Variants in SLCO1A2 observed in about 807,000 individuals in gnomAD.
The protein encoded by SLCO1A2 is OATP-1.
In SLCO1A2, 67 loss-of-function variants were observed where a neutral mutation model predicts 69.0. That is an observed-to-expected ratio of 0.97 (90% CI 0.80 to 1.19). SLCO1A2 has a LOEUF of 1.19. SLCO1A2 is among the 50% of genes most tolerant of loss of function. The pLI is 0.00. For missense variants in SLCO1A2, 787 were observed against 793.7 expected, an observed-to-expected ratio of 0.99 and a Z score of 0.10; for synonymous variants, 260 against 265.9, an observed-to-expected ratio of 0.98 and a Z score of 0.22.
Position 21,268,015 on chromosome 12 carries a change from C to T in SLCO1A2, c.*1533G>A, listed in dbSNP as rs891017139. The T allele has an allele frequency of 1.3e-5, 2 of 152,122 alleles. No individual in the cohort carries two copies. Among genetic ancestry groups the T allele is most frequent in the African/African-American group, 4.8e-5 (2 of 41,432 alleles). 9.4% of individuals were successfully genotyped at this position (152,122 alleles called of 1,614,324 possible). A position where few individuals can be genotyped will look rare whatever the true frequency, so the allele number is the denominator to read the frequency against. ...TGCCCAGAGTTGAAGTCTCAAACTT[C>T]ATGAAACTGAAACTTAACTTTTCAT... On this transcript the variant is annotated 3_prime_UTR_variant, in exon 15 of 15. Transcript: ENST00000683939.
At chr12:21,408,436 A>C (rs1450723967) in intron 1 of SLCO1A2, among the ~76,000 whole-genome samples, 1 of 151,522 alleles carries the variant, frequency 6.6e-6, no homozygotes, top group Non-Finnish European at 1.5e-5. Context: ...CCCTCACTCT[A>C]CTCCCAATAT....
At chr12:21,308,664 C>A (rs1466290277) in intron 4 of SLCO1A2, among the ~76,000 whole-genome samples, 4 of 152,150 alleles carry the variant, frequency 2.6e-5, no homozygotes, top group Admixed American at 1.3e-4. Context: ...TTCCAACTTC[C>A]ATTTGGCTGG....
chr12:21,323,971 G>A (rs1043104261), intron 2 of SLCO1A2, among the ~76,000 whole-genome samples: 4 of 152,138 alleles, frequency 2.6e-5, no homozygotes, highest in Admixed American at 6.6e-5. Context: ...AAAACAGATC[G>A]GGCTCAGTGG....
chr12:21,327,119 G>A (rs2136918157), intron 2 of SLCO1A2, among the ~76,000 whole-genome samples: 1 of 152,272 alleles, frequency 6.6e-6, no homozygotes, highest in African/African-American at 2.4e-5. Context: ...GGACCCAGAA[G>A]GAGCCAATGT....
In SLCO1A2 at chr12:21,360,563, G is replaced by C. The variant is rs192144278; in HGVS notation, c.-63+13836C>G. On this transcript the variant is annotated intron_variant, in intron 2 of 15. Coordinates refer to the SLCO1A2 transcript ENST00000307378. ...TCACTGGGGCTTGCCAGACAAGTGGGTGCAGCCCACAGAGCTGGGCAGGGC... is the reference window on the plus strand; with the variant it reads ...TCACTGGGGCTTGCCAGACAAGTGGCTGCAGCCCACAGAGCTGGGCAGGGC... 3.9e-5 allele frequency among the ~76,000 whole-genome samples: 6 copies of C among 152,318 alleles called. No individual in the cohort carries two copies. In the East Asian group the frequency reaches 1.2e-3, roughly 29 times the overall value.
At chr12:21,338,036 G>C (rs567900198), upstream of SLCO1A2, among the ~76,000 whole-genome samples, 2 of 152,084 alleles carry the variant, frequency 1.3e-5, no homozygotes, top group South Asian at 4.1e-4. Flanking sequence ...ACTAACTCTA[G>C]ATAATAGACC....
chr12:21,332,461 G>C (rs1952675700), intron 2 of SLCO1A2, among the ~76,000 whole-genome samples: 1 of 152,106 alleles, frequency 6.6e-6, no homozygotes. Flanking sequence ...CTTAAGGTCT[G>C]TGTTGATGTT....
At chr12:21,276,355 A>G (rs1007916880) in intron 12 of SLCO1A2, among the ~76,000 whole-genome samples, 36 of 151,720 alleles carry the variant, frequency 2.4e-4, no homozygotes, top group African/African-American at 8.5e-4. Flanking sequence ...ACCTATCTCT[A>G]CTTATGCGTA....
In SLCO1A2 at chr12:21,299,423, G is replaced by A. The variant is rs115865982; in HGVS notation, c.910+925C>T. ...CTTTCATTTGCTGGAAAACCACTATGTGGCTCAATATTACCTGTATCATGT... is the reference window on the plus strand; with the variant it reads ...CTTTCATTTGCTGGAAAACCACTATATGGCTCAATATTACCTGTATCATGT... On this transcript the variant is annotated intron_variant, in intron 8 of 14. Transcript: ENST00000683939. Among the ~76,000 whole-genome samples, 993 of 152,044 alleles carry A rather than the reference G, an allele frequency of 6.5e-3. 14 individuals are homozygous for A. Among genetic ancestry groups the A allele is most frequent in the African/African-American group, 0.023 (953 of 41,490 alleles).
intron 2 of SLCO1A2, among the ~76,000 whole-genome samples, chr12:21,351,749 G>C (rs1189740257): frequency 6.6e-6 from 1 of 151,048 alleles, no homozygotes; most frequent in African/African-American, 2.4e-5. Context: ...TTGCACTCCA[G>C]CCTGGGCAAC....
chr12:21,364,298 A>G (rs1939189931), intron 2 of SLCO1A2, among the ~76,000 whole-genome samples: 1 of 152,220 alleles, frequency 6.6e-6, no homozygotes, highest in Admixed American at 6.5e-5. Flanking sequence ...GACAAAAACC[A>G]CATGATTATC....
chr12:21,306,685 A>C (rs568972337), intron 5 of SLCO1A2, among the ~76,000 whole-genome samples, 197 bp downstream of exon 5: 2 of 152,340 alleles, frequency 1.3e-5, no homozygotes, highest in Non-Finnish European at 2.9e-5. Context: ...CAATAAATAC[A>C]TTCAAATATA....
Position 21,269,573 on chromosome 12 carries a change from TC to T in SLCO1A2, c.1987del (p.Asp663MetfsTer4). The T allele has an allele frequency of 1.9e-6, 3 of 1,611,572 alleles. No homozygotes were observed. The highest frequency in any genetic ancestry group is 1.7e-6 in the Non-Finnish European group (2 of 1,178,432). ...DIYQKSTVLK[D>X]DELKTKL ...TTACAATTTAGTTTTCAATTCATCA[TC>T]TTTCAAAACCGTGGACTTTTGGTAT... On this transcript the variant is annotated frameshift_variant, in exon 15 of 15. Transcript: ENST00000683939. LOFTEE classifies it high-confidence loss of function.
intron 2 of SLCO1A2, among the ~76,000 whole-genome samples, chr12:21,353,020 C>A (rs1339621795): frequency 6.6e-6 from 1 of 152,144 alleles, no homozygotes; most frequent in Non-Finnish European, 1.5e-5. Context: ...AGTGCTACAA[C>A]AAAATAACAG....
intron 2 of SLCO1A2, among the ~76,000 whole-genome samples, chr12:21,369,715 C>A (rs1267475516): frequency 6.6e-6 from 1 of 152,070 alleles, no homozygotes; most frequent in Non-Finnish European, 1.5e-5. Flanking sequence ...CAAGGTGGGG[C>A]CTGAGATTCT....
At chr12:21,354,765 C>T (rs925562685) in intron 2 of SLCO1A2, among the ~76,000 whole-genome samples, 4 of 152,098 alleles carry the variant, frequency 2.6e-5, no homozygotes, top group African/African-American at 7.2e-5. Context: ...ACCTTTCTTT[C>T]TTTGAATTTT....
At chr12:21,363,379 G>A (rs1051555187) in intron 2 of SLCO1A2, among the ~76,000 whole-genome samples, 1 of 152,116 alleles carries the variant, frequency 6.6e-6, no homozygotes, top group Non-Finnish European at 1.5e-5. Flanking sequence ...CAGAATCTCT[G>A]GGACACATTT....
chr12:21,291,282 TA>T (rs1946806208), intron 12 of SLCO1A2, among the ~76,000 whole-genome samples: 1 of 152,092 alleles, frequency 6.6e-6, no homozygotes, highest in South Asian at 2.1e-4. Context: ...GTTGTGAATA[TA>T]AAAACAGATG....
chr12:21,380,496 A>G (rs925800245), intron 1 of SLCO1A2, among the ~76,000 whole-genome samples: 1 of 152,160 alleles, frequency 6.6e-6, no homozygotes, highest in African/African-American at 2.4e-5. Context: ...TATTCATTCA[A>G]TTTCTTACGA....
Sources: allele counts gnomAD v4.1 joint callset (sites outside exome capture counted in the v4.1 genomes callset), GRCh38; gene constraint gnomAD v4.1.1; transcripts MANE v1.5; gene names NCBI Gene and HGNC (gene_info 2026-07-23, HGNC 2026-07-21).